Variants in MLC1 observed in about 807,000 individuals in gnomAD.
MLC1 encodes the protein membrane protein MLC1.
A neutral mutation model predicts 44.7 loss-of-function variants in MLC1; 32 were observed. That is an observed-to-expected ratio of 0.72 (90% CI 0.54 to 0.96). MLC1 has a LOEUF of 0.96. Among genes scored for constraint, MLC1 ranks in the 40% least tolerant of loss-of-function variants. The probability of loss-of-function intolerance (pLI) is 0.00; values close to 1 mark genes in which losing one functional copy is unlikely to be tolerated. For missense variants in MLC1, 459 were observed against 492.2 expected (o/e 0.93, Z 0.64); for synonymous variants, 190 against 213.0 (o/e 0.89, Z 0.94).
Position 50,079,767 on chromosome 22 carries a change from T to C in MLC1, c.423+151A>G, listed in dbSNP as rs75473585. On this transcript the variant is annotated intron_variant, in intron 5 of 11. Transcript: ENST00000311597. ...ACTTCAATAAAGACAATTATTTTCT[T>C]TGGATGCATAAATCTCTCAACTTTA... The C allele has an allele frequency of 2.3e-3, 1,650 of 725,306 alleles. 20 individuals carry two copies. In the African/African-American group the frequency reaches 0.025, roughly 11 times the overall value. The allele number at this position is 725,306 out of a possible 1,614,324, so 44.9% of individuals were successfully genotyped here.
At chr22:50,084,654 G>A in intron 2 of MLC1, 72 bp downstream of exon 2, 1 of 1,540,426 alleles carries the variant, frequency 6.5e-7, no homozygotes, top group South Asian at 1.1e-5. Flanking sequence ...TGGGGCTCCA[G>A]GGCGCTGCAG....
At chr22:50,066,981 C>G (rs1221112476) in intron 10 of MLC1, among the ~76,000 whole-genome samples, 1 of 152,184 alleles carries the variant, frequency 6.6e-6, no homozygotes, top group African/African-American at 2.4e-5. Context: ...TGGCGTGTGG[C>G]CGTCCCCTGC....
In MLC1 at chr22:50,064,088, C is replaced by A. The variant is rs200589556; in HGVS notation, c.1005G>T (p.Leu335=). 5 of 1,610,490 alleles carry A rather than the reference C, an allele frequency of 3.1e-6. No homozygotes were observed. In the East Asian group the frequency reaches 8.9e-5, roughly 29 times the overall value. Residue 335 remains leucine, a synonymous_variant, in exon 11 of 12, where the codon CTG becomes CTT. Coordinates refer to ENST00000311597, the MANE Select transcript of MLC1 (RefSeq NM_015166.4). ...TCTGGGTGTCCCAGGATGCACCCTG[C>A]AGCCTTGCACTGACCTTGAAGCGCA... is the stretch of plus-strand genomic sequence containing the variant. ...QCVRFKVSAR[L]QGASWDTQNG... is the part of the protein sequence containing the mutation.
In MLC1 at chr22:50,061,946, G is replaced by T. The variant is rs183916737; in HGVS notation, c.1060-289C>A. 5.8e-4 allele frequency among the ~76,000 whole-genome samples: 88 copies of T among 152,302 alleles called. No individual in the cohort carries two copies. In the East Asian group the frequency reaches 0.015, roughly 27 times the overall value. ...TTGCCCTGGCTCTGGGGCGGGGAGC[G>T]GGGGGAGGCCGCCCAAGGTTGGGCA... is the stretch of plus-strand genomic sequence containing the variant. On this transcript the variant is annotated intron_variant, in intron 11 of 11. Transcript: ENST00000311597.
chr22:50,081,186 A>C (rs1472436520), intron 3 of MLC1, among the ~76,000 whole-genome samples: 2 of 151,584 alleles, frequency 1.3e-5, no homozygotes, highest in Non-Finnish European at 2.9e-5. Flanking sequence ...CTAAAAATAC[A>C]AAAAAAATTA....
chr22:50,060,941 C>T lies in MLC1; in HGVS notation c.*642G>A, dbSNP rs2061548802. ...ACCCGGCGTGGACTGGTGTGGATTT[C>T]ACCTGGGAGAGCAGCGGCAGCCTGT... On this transcript the variant is annotated 3_prime_UTR_variant, in exon 12 of 12. Coordinates refer to ENST00000311597, the MANE Select transcript of MLC1 (RefSeq NM_015166.4). The T allele has an allele frequency of 6.3e-6, 1 of 158,204 alleles. No individual in the cohort carries two copies. The highest frequency in any genetic ancestry group is 1.8e-4 in the East Asian group (1 of 5,482). The allele number at this position is 158,204 out of a possible 1,614,324, so 9.8% of individuals were successfully genotyped here.
Position 50,083,093 on chromosome 22 carries a change from A to G in MLC1, c.258T>C (p.Ala86=). 1 of 1,614,100 alleles carries G rather than the reference A, an allele frequency of 6.2e-7. No individual in the cohort carries two copies. Among genetic ancestry groups the G allele is most frequent in the Non-Finnish European group, 8.5e-7 (1 of 1,180,004 alleles). Reference sequence around the variant, plus strand: ...GGAGGAAGCTGCTTACAGAGCCTGCAGCACAGCGCAAGTAATCCATCTCAG... The same window carrying G: ...GGAGGAAGCTGCTTACAGAGCCTGCGGCACAGCGCAAGTAATCCATCTCAG... The part of the protein sequence containing the change: ...FPAEMDYLRC[A]AGSCIPSAIV... The change falls in exon 3 of 12, where the codon GCT becomes GCC. Residue 86 remains alanine (A), a synonymous_variant. Coordinates refer to ENST00000311597, the MANE Select transcript of MLC1 (RefSeq NM_015166.4). The surrounding 1 kb of genome is among the most constrained non-coding windows in gnomAD (Gnocchi z 4.6).
chr22:50,074,157 C>T lies in MLC1; in HGVS notation c.714+59G>A, dbSNP rs968400115. On this transcript the variant is annotated intron_variant, in intron 8 of 11. Transcript: ENST00000311597. ...CAAGACTGAGCTCGGGGCCCAGCCACGCAGGATCTGAGCAGTGTGGCCCAG... is the reference window on the plus strand; with the variant it reads ...CAAGACTGAGCTCGGGGCCCAGCCATGCAGGATCTGAGCAGTGTGGCCCAG... 4.2e-6 allele frequency: 6 copies of T among 1,433,502 alleles called. No homozygotes were observed. In the Admixed American group the frequency reaches 5.5e-5, roughly 13 times the overall value. The allele number at this position is 1,433,502 out of a possible 1,614,324, so 88.8% of individuals were successfully genotyped here. A position where few individuals can be genotyped will look rare whatever the true frequency, so the allele number is the denominator to read the frequency against.
chr22:50,073,368 C>A (rs186432615), intron 8 of MLC1, among the ~76,000 whole-genome samples: 56 of 152,312 alleles, frequency 3.7e-4, no homozygotes, highest in Admixed American at 2.0e-3. Flanking sequence ...GTGGGGTCTG[C>A]GTCCGGAGGC....
intron 6 of MLC1, 144 bp downstream of exon 6, chr22:50,077,257 T>C: frequency 1.2e-6 from 1 of 806,076 alleles, no homozygotes; most frequent in Non-Finnish European, 2.0e-6. Context: ...CCGGGGTTTC[T>C]GAGACCCAGG....
intron 5 of MLC1, 83 bp from the exon 6 acceptor site, chr22:50,077,585 G>A: frequency 3.5e-6 from 4 of 1,149,960 alleles, no homozygotes; most frequent in Non-Finnish European, 5.2e-6. Flanking sequence ...CCACCTCACG[G>A]GCAGGCTGCG....
intron 7 of MLC1, 87 bp downstream of exon 7, chr22:50,076,754 C>T (rs1037975542): frequency 3.6e-5 from 52 of 1,453,358 alleles, no homozygotes; most frequent in Non-Finnish European, 4.9e-5. Context: ...TCTTCGCCAA[C>T]TCGGAATCGA....
chr22:50,062,265 C>A (rs2061585067), intron 11 of MLC1, among the ~76,000 whole-genome samples: 1 of 129,166 alleles, frequency 7.7e-6, no homozygotes, highest in Non-Finnish European at 1.7e-5. Flanking sequence ...TGAGCCCAAG[C>A]CACCCACCTT....
chr22:50,074,802 T>C, intron 7 of MLC1: 1 of 212,610 alleles, frequency 4.7e-6, no homozygotes, highest in East Asian at 1.1e-4. Flanking sequence ...ACACTGGACG[T>C]CACCACCCCT....
In MLC1 at chr22:50,083,411, C is replaced by G. The variant is rs999659778; in HGVS notation, c.178-238G>C. On this transcript the variant is annotated intron_variant, in intron 2 of 11. Coordinates refer to ENST00000311597, the MANE Select transcript of MLC1 (RefSeq NM_015166.4). The surrounding 1 kb of genome is among the most constrained non-coding windows in gnomAD (Gnocchi z 4.6). ...CAGCCATGTCGGAGCATGGACCCCCCACGCTGTTATCTGGAGGAGAGAAGA... is the reference window on the plus strand; with the variant it reads ...CAGCCATGTCGGAGCATGGACCCCCGACGCTGTTATCTGGAGGAGAGAAGA... Among the ~76,000 whole-genome samples the G allele has an allele frequency of 1.1e-4, 17 of 152,132 alleles. No individual in the cohort carries two copies. The highest frequency in any genetic ancestry group is 3.6e-4 in the African/African-American group (15 of 41,416).
chr22:50,082,585 A>G (rs553595569), intron 3 of MLC1, among the ~76,000 whole-genome samples: 31 of 152,380 alleles, frequency 2.0e-4, no homozygotes, highest in African/African-American at 6.5e-4. Context: ...AGCAAGGTTC[A>G]GGCCTGCTTC....
At chr22:50,077,033 T>C in intron 6 of MLC1, 121 bp from the exon 7 acceptor site, 1 of 942,282 alleles carries the variant, frequency 1.1e-6, no homozygotes, top group Non-Finnish European at 1.7e-6. Flanking sequence ...CGAGACCGCC[T>C]TGGAGGCGCC....
chr22:50,061,672 G>T lies in MLC1; in HGVS notation c.1060-15C>A. 1 of 1,611,430 alleles carries T rather than the reference G, an allele frequency of 6.2e-7. No homozygotes were observed. Among genetic ancestry groups the T allele is most frequent in the Non-Finnish European group, 8.5e-7 (1 of 1,178,574 alleles). ...CTCCTGGCCACCTGCAACCGAGACA[G>T]GAAAGGTGTTACTTCACCAGGGCCA... On this transcript the variant is annotated splice_polypyrimidine_tract_variant and intron_variant, in intron 11 of 11. Transcript: ENST00000311597.
At position 50,076,903 on chromosome 22, in the gene MLC1, A is replaced by G; in HGVS notation, c.535T>C (p.Ser179Pro). 1 of 1,613,956 alleles carries G rather than the reference A, an allele frequency of 6.2e-7. No homozygotes were observed. The highest frequency in any genetic ancestry group is 8.5e-7 in the Non-Finnish European group (1 of 1,179,862). The change falls in exon 7 of 12, where the codon TCT (serine) becomes CCT (proline). Residue 179 changes from serine to proline, a missense_variant. Coordinates refer to ENST00000311597, the MANE Select transcript of MLC1 (RefSeq NM_015166.4). ...EDCKKKKGSM[S>P]DSANILDEVP... ...TCGTCCAGAATGTTGGCGCTGTCAGACATGGAGCCCTACGAAGAAACAGAA... is the reference window on the plus strand; with the variant it reads ...TCGTCCAGAATGTTGGCGCTGTCAGGCATGGAGCCCTACGAAGAAACAGAA...
Sources: allele counts gnomAD v4.1 joint callset (sites outside exome capture counted in the v4.1 genomes callset), GRCh38; gene constraint gnomAD v4.1.1; non-coding constraint Gnocchi (gnomAD v3.1); transcripts MANE v1.5; gene names NCBI Gene and HGNC (gene_info 2026-07-23, HGNC 2026-07-21).